MACROD2: variants seen among roughly 807,000 people sequenced by gnomAD.
MACROD2 encodes the protein ADP-ribose glycohydrolase MACROD2.
Under a neutral mutation model 70.4 loss-of-function variants are expected in MACROD2, and 36 were observed. The ratio of observed to expected loss-of-function variants is 0.51; its 90% CI spans 0.39 to 0.68. The LOEUF (loss-of-function observed/expected upper bound fraction) is 0.68. Among genes scored for constraint, MACROD2 ranks in the 30% least tolerant of loss-of-function variants. The pLI is 0.00. For missense variants in MACROD2, 496 were observed against 538.4 expected (o/e 0.92, Z 0.78); for synonymous variants, 172 against 178.8 (o/e 0.96, Z 0.30).
rs200759052 is a variant in MACROD2, at chr20:15,283,703, AAAAAAG to A, written c.540+53660_540+53665del. 6.1e-3 allele frequency among the ~76,000 whole-genome samples: 926 copies of A among 152,244 alleles called. 13 individuals are homozygous for A. The highest frequency in any genetic ancestry group is 0.02 in the African/African-American group (847 of 41,538). On this transcript the variant is annotated intron_variant, in intron 6 of 17. Coordinates refer to ENST00000684519, the MANE Select transcript of MACROD2 (RefSeq NM_001351661.2). ...AAACAAACAAAAAACAAACAAAAAC[AAAAAAG>A]AAAAAGAAAAAGAAAAATACATATC...
intron 8 of MACROD2, among the ~76,000 whole-genome samples, chr20:15,816,336 A>G (rs1272941736): frequency 1.3e-5 from 2 of 152,104 alleles, no homozygotes; most frequent in Middle Eastern, 3.2e-3. Flanking sequence ...GGTCAACTCC[A>G]TCGAACCCCC....
At chr20:15,606,560 A>G (rs2048896378) in intron 8 of MACROD2, among the ~76,000 whole-genome samples, 1 of 152,172 alleles carries the variant, frequency 6.6e-6, no homozygotes, top group South Asian at 2.1e-4. Flanking sequence ...GTCCCAACGC[A>G]CTAATTTTAA....
chr20:14,293,842 A>G (rs2082405773), intron 3 of MACROD2, among the ~76,000 whole-genome samples: 1 of 151,922 alleles, frequency 6.6e-6, no homozygotes, highest in Non-Finnish European at 1.5e-5. Flanking sequence ...ATTTTATTTC[A>G]TAACTCACTT....
intron 3 of MACROD2, among the ~76,000 whole-genome samples, chr20:14,271,235 G>A (rs1208817697): frequency 6.6e-6 from 1 of 152,160 alleles, no homozygotes; most frequent in East Asian, 1.9e-4. Flanking sequence ...CTAACTGGGA[G>A]GCACCCCCCA....
Position 15,233,967 on chromosome 20 carries a change from TTTTATATATATTTA to T in MACROD2, c.540+3918_540+3931del, listed in dbSNP as rs1177737111. Among the ~76,000 whole-genome samples the T allele has an allele frequency of 8.8e-3, 426 of 48,584 alleles. 18 individuals carry two copies. Among genetic ancestry groups the T allele is most frequent in the African/African-American group, 0.034 (406 of 11,900 alleles). The allele number at this position is 48,584 out of a possible 152,430, so 31.9% of individuals were successfully genotyped here. On this transcript the variant is annotated intron_variant, in intron 6 of 17. Transcript: ENST00000684519. Reference sequence around the variant, plus strand: ...TTACCCTTGGATCCAAAAAATTTATTTTTATATATATTTATTTATATATATATATATATATATAT... The same window carrying T: ...TTACCCTTGGATCCAAAAAATTTATTTTTATATATATATATATATATATAT...
At chr20:14,209,390 G>A (rs896539833) in intron 3 of MACROD2, among the ~76,000 whole-genome samples, 4 of 152,038 alleles carry the variant, frequency 2.6e-5, no homozygotes, top group African/African-American at 9.7e-5. Flanking sequence ...GAAGCTCCAG[G>A]AGACAGGCAA....
chr20:15,713,014 T>C (rs754800039), intron 8 of MACROD2, among the ~76,000 whole-genome samples: 1 of 152,120 alleles, frequency 6.6e-6, no homozygotes, highest in Admixed American at 6.5e-5. Flanking sequence ...CAGTCCTGAG[T>C]CATTAAGGGT....
At chr20:15,199,426 C>G (rs1314513541) in intron 5 of MACROD2, among the ~76,000 whole-genome samples, 2 of 152,126 alleles carry the variant, frequency 1.3e-5, no homozygotes, top group Non-Finnish European at 2.9e-5. Flanking sequence ...CTCCAGGTGA[C>G]TTATTTAACC....
intron 8 of MACROD2, among the ~76,000 whole-genome samples, chr20:15,812,417 C>T (rs763660): frequency 0.47 from 72,055 of 151,928 alleles, 17,929 homozygotes; most frequent in African/African-American, 0.63. Flanking sequence ...GCACAATAAA[C>T]TGACATGCTC....
At chr20:15,190,105 C>T (rs1290389327) in intron 5 of MACROD2, among the ~76,000 whole-genome samples, 3 of 152,174 alleles carry the variant, frequency 2.0e-5, no homozygotes, top group Non-Finnish European at 4.4e-5. Context: ...TAACATATAA[C>T]TATAATGTAC....
intron 8 of MACROD2, among the ~76,000 whole-genome samples, chr20:15,819,259 A>G (rs982271722): frequency 9.0e-5 from 13 of 144,650 alleles, no homozygotes; most frequent in Admixed American, 7.0e-4. Context: ...AAATATTTAC[A>G]TAGTATAGAG....
chr20:14,814,382 A>G (rs1402409405), intron 5 of MACROD2, among the ~76,000 whole-genome samples: 1 of 152,106 alleles, frequency 6.6e-6, no homozygotes, highest in Non-Finnish European at 1.5e-5. Flanking sequence ...AAATGCTTAC[A>G]GTTTTTTTAA....
At chr20:15,497,747 T>A (rs892034511) in intron 7 of MACROD2, among the ~76,000 whole-genome samples, 1 of 152,186 alleles carries the variant, frequency 6.6e-6, no homozygotes, top group African/African-American at 2.4e-5. Context: ...CTTCCTCAAA[T>A]ATTCTATTAT....
At chr20:14,437,485 T>C (rs538741113) in intron 3 of MACROD2, among the ~76,000 whole-genome samples, 1 of 152,092 alleles carries the variant, frequency 6.6e-6, no homozygotes, top group Admixed American at 6.6e-5. Context: ...TCCTAGATAC[T>C]TGGGAGGCTA....
chr20:15,237,562 G>C (rs1473547059), intron 6 of MACROD2, among the ~76,000 whole-genome samples: 1 of 152,052 alleles, frequency 6.6e-6, no homozygotes, highest in Non-Finnish European at 1.5e-5. Context: ...CTTGGGAACA[G>C]ACCCTGAGCC....
chr20:14,416,962 CT>C (rs937464780), intron 3 of MACROD2, among the ~76,000 whole-genome samples: 2 of 152,156 alleles, frequency 1.3e-5, no homozygotes, highest in Non-Finnish European at 2.9e-5. Context: ...GCTTCAAAAA[CT>C]TTTAGCAACC....
At chr20:14,229,267 G>C (rs1303295305) in intron 3 of MACROD2, among the ~76,000 whole-genome samples, 1 of 152,136 alleles carries the variant, frequency 6.6e-6, no homozygotes, top group Non-Finnish European at 1.5e-5. Context: ...GAAAGACACT[G>C]TTAAGAGAAC....
intron 6 of MACROD2, among the ~76,000 whole-genome samples, chr20:15,382,805 G>A (rs59997671): frequency 0.015 from 2,235 of 152,242 alleles, 58 homozygotes; most frequent in African/African-American, 0.051. Context: ...GAAATGTGTC[G>A]TCAGTAATTA....
chr20:15,240,220 T>C (rs544145796), intron 6 of MACROD2, among the ~76,000 whole-genome samples: 1 of 152,348 alleles, frequency 6.6e-6, no homozygotes, highest in East Asian at 1.9e-4. Flanking sequence ...TTTTATCATA[T>C]AGCATGTCTT....
Sources: allele counts gnomAD v4.1 joint callset (sites outside exome capture counted in the v4.1 genomes callset), GRCh38; gene constraint gnomAD v4.1.1; transcripts MANE v1.5; gene names NCBI Gene and HGNC (gene_info 2026-07-23, HGNC 2026-07-21).